NAV3: variants seen among roughly 807,000 people sequenced by gnomAD.
NAV3 encodes the protein pore membrane and/or filament interacting like protein 1.
NAV3 carries 87 observed loss-of-function variants against 244.7 expected under a neutral mutation model. The observed-to-expected ratio is 0.36, with a 90% CI of 0.30 to 0.42. NAV3 has a LOEUF of 0.42. Among genes scored for constraint, NAV3 ranks in the 20% least tolerant of loss-of-function variants. The pLI is 1.00. For synonymous variants in NAV3, 1,126 were observed against 1,042.2 expected (o/e 1.08, Z -1.55); for missense variants, 2,663 against 2,893.3 (o/e 0.92, Z 1.83).
intron 3 of NAV3, among the ~76,000 whole-genome samples, chr12:77,953,637 A>T (rs932075153): frequency 6.6e-6 from 1 of 152,190 alleles, no homozygotes; most frequent in African/African-American, 2.4e-5. Flanking sequence ...TTTGCAACAC[A>T]AACACATTTG....
intron 1 of NAV3, among the ~76,000 whole-genome samples, chr12:77,834,360 T>A (rs1363891815): frequency 6.6e-6 from 1 of 152,194 alleles, no homozygotes; most frequent in African/African-American, 2.4e-5. Context: ...AAATAAAATA[T>A]TTTTTATGGG....
chr12:77,677,439 C>A (rs1389865401), intron 2 of NAV3, among the ~76,000 whole-genome samples: 2 of 152,158 alleles, frequency 1.3e-5, no homozygotes, highest in African/African-American at 4.8e-5. Flanking sequence ...GTTGTTGTTG[C>A]CATCTTAAAA....
At position 78,200,486 on chromosome 12, in the gene NAV3, C is replaced by G. The variant is rs2140029398; in HGVS notation, c.6729C>G (p.Phe2243Leu). Residue 2243 changes from phenylalanine (F) to leucine (L), a missense_variant, in exon 38 of 40, where the codon TTC (phenylalanine) becomes TTG (leucine). Physicochemically the swap from Phe to Leu is conservative, Grantham distance 22. This residue lies in a region of NAV3 where 543 missense variants were observed against 672.4 expected (regional missense o/e 0.81). Coordinates refer to ENST00000397909, the MANE Select transcript of NAV3 (RefSeq NM_001024383.2). Reference protein sequence around the residue: ...SSDVTIGPRLFLPCPMDVEGS... With the variant: ...SSDVTIGPRLLLPCPMDVEGS... ...ATTTCTTATCAGGTCCCCGACTATT[C>G]CTTCCTTGCCCCATGGATGTAGAAG... 1 of 1,578,196 alleles carries G rather than the reference C, an allele frequency of 6.3e-7. No individual in the cohort carries two copies. The highest frequency in any genetic ancestry group is 8.6e-7 in the Non-Finnish European group (1 of 1,161,930).
At chr12:77,635,600 C>A (rs983962756) in intron 2 of NAV3, among the ~76,000 whole-genome samples, 3 of 152,168 alleles carry the variant, frequency 2.0e-5, no homozygotes, top group Admixed American at 2.0e-4. Flanking sequence ...TTACTTGGAA[C>A]TTCCTGATAA....
intron 3 of NAV3, 25 bp downstream of exon 3, chr12:77,941,158 A>G: frequency 7.4e-7 from 1 of 1,343,238 alleles, no homozygotes; most frequent in Non-Finnish European, 1.0e-6. Context: ...TATTCTCAAT[A>G]TATAATGCTG....
intron 9 of NAV3, among the ~76,000 whole-genome samples, chr12:78,038,644 T>C (rs909949596): frequency 6.6e-5 from 10 of 152,204 alleles, no homozygotes; most frequent in Non-Finnish European, 1.3e-4. Flanking sequence ...AGATTTACTT[T>C]TGCACCATTG....
chr12:78,197,455 T>C (rs960964104), intron 35 of NAV3, 54 bp downstream of exon 35: 1 of 1,426,962 alleles, frequency 7.0e-7, no homozygotes, highest in African/African-American at 1.4e-5. Flanking sequence ...ATCATCAAAT[T>C]TGCCTTCTTG....
intron 1 of NAV3, among the ~76,000 whole-genome samples, chr12:77,920,617 A>G (rs1036007936): frequency 6.6e-6 from 1 of 152,038 alleles, no homozygotes; most frequent in Admixed American, 6.6e-5. Flanking sequence ...GAATTATCAG[A>G]AAAACAGGTA....
At chr12:77,652,865 A>G (rs1411921190) in intron 2 of NAV3, among the ~76,000 whole-genome samples, 1 of 152,240 alleles carries the variant, frequency 6.6e-6, no homozygotes, top group Non-Finnish European at 1.5e-5. Context: ...TGTAATCAGC[A>G]TGTGTCTGTG....
chr12:78,177,072 C>A, intron 26 of NAV3, 69 bp from the exon 27 acceptor site: 1 of 1,573,898 alleles, frequency 6.4e-7, no homozygotes, highest in Non-Finnish European at 8.7e-7. Context: ...CATCTGCAAA[C>A]TAACGCCCCA....
At chr12:77,980,451 T>A (rs1332402052) in intron 5 of NAV3, among the ~76,000 whole-genome samples, 1 of 152,222 alleles carries the variant, frequency 6.6e-6, no homozygotes, top group East Asian at 1.9e-4. Flanking sequence ...CCTGAATATA[T>A]GTATTAAGAA....
At chr12:77,871,410 G>C (rs1158310107) in intron 1 of NAV3, among the ~76,000 whole-genome samples, 1 of 152,002 alleles carries the variant, frequency 6.6e-6, no homozygotes, top group Non-Finnish European at 1.5e-5. Context: ...TCTACATTAG[G>C]TATTTCTCTT....
At chr12:77,643,124 C>T (rs139963935) in intron 2 of NAV3, among the ~76,000 whole-genome samples, 84 of 151,998 alleles carry the variant, frequency 5.5e-4, no homozygotes, top group African/African-American at 2.0e-3. Context: ...TATTCTCATA[C>T]TCTATAACCT....
At chr12:77,994,778 A>G (rs778638309) in intron 5 of NAV3, 25 bp from the exon 6 acceptor site, 1 of 1,579,390 alleles carries the variant, frequency 6.3e-7, no homozygotes, top group Middle Eastern at 1.7e-4. Context: ...TCTTTAATTC[A>G]ATTTCTCTGT....
rs1349405525 is a variant in NAV3, at chr12:77,896,141, C to T, written c.244-44178C>T. Among the ~76,000 whole-genome samples, 5 of 152,124 alleles carry T rather than the reference C, an allele frequency of 3.3e-5. No homozygotes were observed. The East Asian group carries it at 5.8e-4, about 18-fold the overall frequency. On this transcript the variant is annotated intron_variant, in intron 1 of 39. Coordinates refer to ENST00000397909, the MANE Select transcript of NAV3 (RefSeq NM_001024383.2). ...CCACAATCATTTTCAAGAGACAGAT[C>T]GCTACTACCTTATCCTCTGGTTTAA...
chr12:78,158,043 C>T (rs552614426), intron 22 of NAV3, among the ~76,000 whole-genome samples: 3 of 152,012 alleles, frequency 2.0e-5, no homozygotes, highest in African/African-American at 4.8e-5. Flanking sequence ...AATATATTTC[C>T]GTTATTAAGT....
At chr12:77,813,077 C>A (rs1173410437) in intron 2 of NAV3, among the ~76,000 whole-genome samples, 1 of 152,160 alleles carries the variant, frequency 6.6e-6, no homozygotes, top group African/African-American at 2.4e-5. Context: ...CCTGCCTCAG[C>A]CTCCCAAAGT....
intron 1 of NAV3, among the ~76,000 whole-genome samples, chr12:77,938,500 A>G (rs1889548085): frequency 6.6e-6 from 1 of 152,152 alleles, no homozygotes; most frequent in African/African-American, 2.4e-5. Context: ...AGTTGTTTAC[A>G]TCTTTCAAGA....
intron 5 of NAV3, among the ~76,000 whole-genome samples, chr12:77,992,032 A>G (rs1055514766): frequency 6.6e-6 from 1 of 151,986 alleles, no homozygotes; most frequent in East Asian, 1.9e-4. Context: ...AAAAAAAAAA[A>G]CGAATATTTT....
Sources: allele counts gnomAD v4.1 joint callset (sites outside exome capture counted in the v4.1 genomes callset), GRCh38; gene constraint gnomAD v4.1.1; regional missense constraint gnomAD v4.1.1; transcripts MANE v1.5; gene names NCBI Gene and HGNC (gene_info 2026-07-23, HGNC 2026-07-21).